PIK3R5: variants seen among roughly 807,000 people sequenced by gnomAD.
PIK3R5 encodes phosphoinositide-3-kinase regulatory subunit 5, also known as phosphoinositide 3-kinase regulatory subunit 5.
PIK3R5 carries 32 observed loss-of-function variants against 94.9 expected under a neutral mutation model. That is an observed-to-expected ratio of 0.34 (90% confidence interval 0.25 to 0.45). The LOEUF (loss-of-function observed/expected upper bound fraction) is 0.45. Among genes scored for constraint, PIK3R5 ranks in the 20% least tolerant of loss-of-function variants. The pLI is 1.00. For missense variants in PIK3R5, 853 were observed against 1,144.6 expected (o/e 0.75, Z 3.68); for synonymous variants, 443 against 479.4 (o/e 0.92, Z 0.99).
chr17:8,927,007 A>T (rs761089758), intron 1 of PIK3R5, among the ~76,000 whole-genome samples: 4 of 152,176 alleles, frequency 2.6e-5, no homozygotes, highest in Non-Finnish European at 5.9e-5. Context: ...TGAACAATAT[A>T]TATAAAACTA....
Position 8,893,538 on chromosome 17 carries a change from G to T in PIK3R5, c.482+48C>A, listed in dbSNP as rs1273398499. The T allele has an allele frequency of 1.4e-6, 2 of 1,459,736 alleles. No homozygotes were observed. Among genetic ancestry groups the T allele is most frequent in the African/African-American group, 2.8e-5 (2 of 72,016 alleles). The allele number at this position is 1,459,736 out of a possible 1,614,324, so 90.4% of individuals were successfully genotyped here. On this transcript the variant is annotated intron_variant, in intron 6 of 18. Transcript: ENST00000447110. The surrounding 1 kb of genome is among the most constrained non-coding windows in gnomAD (Gnocchi z 5.1). ...AGGGTGAAGGTGGAACAGTGCAGGG[G>T]TCCCAAACTCCCTCCCCACTGTTTC...
chr17:8,941,806 A>G (rs942814655), intron 1 of PIK3R5, among the ~76,000 whole-genome samples: 1 of 152,332 alleles, frequency 6.6e-6, no homozygotes, highest in Admixed American at 6.5e-5. Context: ...ACCACCTGTC[A>G]GCCAGTTCAT....
Position 8,888,211 on chromosome 17 carries a change from G to T in PIK3R5, c.1576C>A (p.Arg526=). The T allele has an allele frequency of 1.2e-6, 2 of 1,613,360 alleles. No individual in the cohort carries two copies. The highest frequency in any genetic ancestry group is 1.7e-6 in the Non-Finnish European group (2 of 1,179,952). ...TLRVVVFGSD[R]ISGKVARAYS... ...GCCCGAGCCACCTTCCCTGAAATCC[G>T]ATCGGAGCCAAAGACCACAACACGT... Residue 526 remains arginine, a synonymous_variant, in exon 10 of 19, where the codon CGG becomes AGG. Transcript: ENST00000447110. This position sits in a 1 kb window ranked among gnomAD's most constrained non-coding sequence, Gnocchi z 7.8.
rs1431063650 is a variant in PIK3R5, at chr17:8,882,087, G to T, written c.2206-206C>A. ...CTCACGTCACTGGCTTGGTCTAGGG[G>T]TCAGCAGCCTCTGTGACCAGGTTGA... On this transcript the variant is annotated intron_variant, in intron 15 of 18. Coordinates refer to ENST00000447110, the MANE Select transcript of PIK3R5 (RefSeq NM_001142633.3). The surrounding 1 kb of genome is among the most constrained non-coding windows in gnomAD (Gnocchi z 4.1). 4 of 579,378 alleles carry T rather than the reference G, an allele frequency of 6.9e-6. No individual in the cohort carries two copies. Among genetic ancestry groups the T allele is most frequent in the Non-Finnish European group, 1.2e-5 (4 of 323,614 alleles). The allele number at this position is 579,378 out of a possible 1,614,324, so 35.9% of individuals were successfully genotyped here.
At position 8,888,631 on chromosome 17, in the gene PIK3R5, C is replaced by T. The variant is rs1217066592; in HGVS notation, c.1156G>A (p.Gly386Ser). The T allele has an allele frequency of 1.4e-5, 23 of 1,613,366 alleles. No homozygotes were observed. The highest frequency in any genetic ancestry group is 1.9e-5 in the Non-Finnish European group (23 of 1,179,710). The change falls in exon 10 of 19, where the codon GGC becomes AGC. Residue 386 changes from glycine (G) to serine (S), a missense_variant. By Grantham distance (56) the Gly-to-Ser change is moderately conservative. Coordinates refer to ENST00000447110, the MANE Select transcript of PIK3R5 (RefSeq NM_001142633.3). This position sits in a 1 kb window ranked among gnomAD's most constrained non-coding sequence, Gnocchi z 7.8. Reference protein sequence around the residue: ...LTSFVSGLSDGMDSGYVEDSE... With the variant: ...LTSFVSGLSDSMDSGYVEDSE... ...TCCTCCACGTAGCCGCTGTCCATGC[C>T]ATCAGAGAGGCCTGAGACAAAGGAA... is the stretch of plus-strand genomic sequence containing the variant.
At chr17:8,912,760 G>A (rs923573303) in intron 1 of PIK3R5, among the ~76,000 whole-genome samples, 1 of 152,228 alleles carries the variant, frequency 6.6e-6, no homozygotes, top group Non-Finnish European at 1.5e-5. Flanking sequence ...TCAGCTGCGC[G>A]GCTAGAGTAT....
In PIK3R5 at chr17:8,935,500, T is replaced by C. The variant is rs1006964867; in HGVS notation, c.-13-23993A>G. Among the ~76,000 whole-genome samples, 1 of 152,070 alleles carries C rather than the reference T, an allele frequency of 6.6e-6. No homozygotes were observed. The highest frequency in any genetic ancestry group is 1.9e-4 in the East Asian group (1 of 5,186). ...GACCTGCTTCCTTCCTTGTTTCCTC[T>C]GCCAGAGGCCAAAGGAAGAGATTCA... is the stretch of plus-strand genomic sequence containing the variant. On this transcript the variant is annotated intron_variant, in intron 1 of 18. Coordinates refer to ENST00000447110, the MANE Select transcript of PIK3R5 (RefSeq NM_001142633.3). The surrounding 1 kb of genome is among the most constrained non-coding windows in gnomAD (Gnocchi z 4.5).
At chr17:8,914,343 T>G (rs1214260704) in intron 1 of PIK3R5, among the ~76,000 whole-genome samples, 1 of 152,182 alleles carries the variant, frequency 6.6e-6, no homozygotes, top group African/African-American at 2.4e-5. Context: ...GAGGACTTTT[T>G]ATTTTCAAAT....
chr17:8,965,533 C>T (rs529295999), intron 1 of PIK3R5, 63 bp downstream of exon 1: 31 of 152,598 alleles, frequency 2.0e-4, no homozygotes, highest in African/African-American at 7.0e-4. Context: ...CCAGCTTGCT[C>T]CAGCTCTGCC....
chr17:8,930,025 T>C lies in PIK3R5; in HGVS notation c.-13-18518A>G, dbSNP rs143185901. ...TCAGCATCCTTCTCTCAACCACTGATAGAACAACTGTAAAGAAAATCAGCA... is the reference window on the plus strand; with the variant it reads ...TCAGCATCCTTCTCTCAACCACTGACAGAACAACTGTAAAGAAAATCAGCA... On this transcript the variant is annotated intron_variant, in intron 1 of 18. Transcript: ENST00000447110. 3.3e-5 allele frequency among the ~76,000 whole-genome samples: 5 copies of C among 152,328 alleles called. No homozygotes were observed. In the East Asian group the frequency reaches 7.7e-4, roughly 23 times the overall value.
At position 8,922,320 on chromosome 17, in the gene PIK3R5, A is replaced by G. The variant is rs145494468; in HGVS notation, c.-13-10813T>C. On this transcript the variant is annotated intron_variant, in intron 1 of 18. Transcript: ENST00000447110. ...AATTATCAATCCCCATTGTCTTGGGAATTAACATTCAGTTAATCCCCAAGA... is the reference window on the plus strand; with the variant it reads ...AATTATCAATCCCCATTGTCTTGGGGATTAACATTCAGTTAATCCCCAAGA... Among the ~76,000 whole-genome samples the G allele has an allele frequency of 4.6e-3, 704 of 152,216 alleles. 6 individuals are homozygous for G. The highest frequency in any genetic ancestry group is 0.016 in the African/African-American group (671 of 41,536).
In PIK3R5 at chr17:8,945,363, C is replaced by A. The variant is rs779686536; in HGVS notation, c.-14+20233G>T. Among the ~76,000 whole-genome samples, 117 of 152,198 alleles carry A rather than the reference C, an allele frequency of 7.7e-4. No homozygotes were observed. The highest frequency in any genetic ancestry group is 1.4e-3 in the Non-Finnish European group (92 of 68,038). Reference sequence around the variant, plus strand: ...GCCTCCCACCCCAGCCACACACACACACACTCACACCCTTCAGGGAATGAG... The same window carrying A: ...GCCTCCCACCCCAGCCACACACACAAACACTCACACCCTTCAGGGAATGAG... On this transcript the variant is annotated intron_variant, in intron 1 of 18. Coordinates refer to ENST00000447110, the MANE Select transcript of PIK3R5 (RefSeq NM_001142633.3). The surrounding 1 kb of genome is among the most constrained non-coding windows in gnomAD (Gnocchi z 4.0).
chr17:8,944,765 C>T (rs2151462885), intron 1 of PIK3R5, among the ~76,000 whole-genome samples: 1 of 152,316 alleles, frequency 6.6e-6, no homozygotes, highest in East Asian at 1.9e-4. Context: ...GAGAGTTCCT[C>T]AGCCTTCTCA....
chr17:8,911,177 T>C lies in PIK3R5; in HGVS notation c.103+215A>G, dbSNP rs147392558. Among the ~76,000 whole-genome samples, 6 of 152,266 alleles carry C rather than the reference T, an allele frequency of 3.9e-5. No individual in the cohort carries two copies. In the East Asian group the frequency reaches 1.2e-3, roughly 29 times the overall value. On this transcript the variant is annotated intron_variant, in intron 2 of 18. Transcript: ENST00000447110. This position sits in a 1 kb window ranked among gnomAD's most constrained non-coding sequence, Gnocchi z 5.3. ...CCAGCCCTGAGTAGGATGAGGAAGA[T>C]GCCGTGGGAGAAGGGAGAAAGTGCC...
At chr17:8,895,450 G>A (rs894693202) in intron 5 of PIK3R5, among the ~76,000 whole-genome samples, 2 of 152,062 alleles carry the variant, frequency 1.3e-5, no homozygotes, top group Non-Finnish European at 2.9e-5. Context: ...CTTCCAACAC[G>A]CCCAGCCATT....
intron 1 of PIK3R5, among the ~76,000 whole-genome samples, chr17:8,917,226 A>G (rs1195871608): frequency 3.3e-5 from 5 of 152,202 alleles, no homozygotes; most frequent in African/African-American, 1.2e-4. Flanking sequence ...ACTGGAGATG[A>G]GGGAGGAACA....
intron 1 of PIK3R5, among the ~76,000 whole-genome samples, chr17:8,962,400 A>C (rs2091582610): frequency 6.6e-6 from 1 of 152,256 alleles, no homozygotes; most frequent in Admixed American, 6.5e-5. Flanking sequence ...AATCATATCC[A>C]ACATGCTACA....
chr17:8,900,805 C>T (rs1332073592), intron 5 of PIK3R5, among the ~76,000 whole-genome samples: 2 of 152,104 alleles, frequency 1.3e-5, no homozygotes, highest in Non-Finnish European at 2.9e-5. Context: ...GGAGTTTCTA[C>T]CCAGCCGCCT....
chr17:8,891,515 C>T (rs1280191549), intron 6 of PIK3R5, among the ~76,000 whole-genome samples: 1 of 152,142 alleles, frequency 6.6e-6, no homozygotes, highest in East Asian at 1.9e-4. Context: ...GTGTGCCTGG[C>T]CACTGCTACC....
Sources: allele counts gnomAD v4.1 joint callset (sites outside exome capture counted in the v4.1 genomes callset), GRCh38; gene constraint gnomAD v4.1.1; non-coding constraint Gnocchi (gnomAD v3.1); transcripts MANE v1.5; gene names NCBI Gene and HGNC (gene_info 2026-07-23, HGNC 2026-07-21).